MAF: variants seen among roughly 807,000 people sequenced by gnomAD.
MAF encodes MAF bZIP transcription factor.
A neutral mutation model predicts 22.0 loss-of-function variants in MAF; 10 were observed. The observed-to-expected ratio is 0.45, with a 90% CI of 0.28 to 0.77. The LOEUF (loss-of-function observed/expected upper bound fraction) is 0.77. Ranked by LOEUF, MAF falls within the 30% of genes least tolerant of loss-of-function variation. The probability of loss-of-function intolerance (pLI) is 0.12; values close to 1 mark genes in which losing one functional copy is unlikely to be tolerated. For synonymous variants in MAF, 337 were observed against 255.8 expected (o/e 1.32, Z -3.03); for missense variants, 544 against 548.4 (o/e 0.99, Z 0.08).
the MAF span, among the ~76,000 whole-genome samples, chr16:79,335,345 T>C: frequency 6.6e-6 from 1 of 152,168 alleles, no homozygotes; most frequent in Non-Finnish European, 1.5e-5. Context: ...TACTTCCTCG[T>C]ACTATGGCCG....
At chr16:79,241,419 G>A in the MAF span, among the ~76,000 whole-genome samples, 1 of 152,026 alleles carries the variant, frequency 6.6e-6, no homozygotes, top group Non-Finnish European at 1.5e-5. Flanking sequence ...TAGCTGAATT[G>A]ATCAGACAGA....
At chr16:79,423,888 G>A in the MAF span, among the ~76,000 whole-genome samples, 1 of 152,128 alleles carries the variant, frequency 6.6e-6, no homozygotes, top group East Asian at 1.9e-4. Flanking sequence ...CTTGAAAACA[G>A]TCATGTCTTC....
At chr16:79,584,730 T>G (rs1288663975), downstream of MAF, among the ~76,000 whole-genome samples, 1 of 152,184 alleles carries the variant, frequency 6.6e-6, no homozygotes, top group Non-Finnish European at 1.5e-5. Context: ...TAACCCCAAA[T>G]GTATACACTG....
At chr16:79,536,504 T>C in the MAF span, among the ~76,000 whole-genome samples, 1 of 152,160 alleles carries the variant, frequency 6.6e-6, no homozygotes, top group East Asian at 1.9e-4. Context: ...TAGCAAGGCA[T>C]GGTGGTGCAC....
At chr16:79,502,689 AAATATAAATATAAAT>A in the MAF span, among the ~76,000 whole-genome samples, 43 of 16,816 alleles carry the variant, frequency 2.6e-3, no homozygotes, top group African/African-American at 7.2e-3. Flanking sequence ...ATATAAATAT[AAATATAAATATAAAT>A]ATAAATATAT....
the MAF span, among the ~76,000 whole-genome samples, chr16:79,487,932 C>T: frequency 6.6e-6 from 1 of 152,080 alleles, no homozygotes; most frequent in African/African-American, 2.4e-5. Flanking sequence ...GGGATAAGGC[C>T]CTGTGCTCAC....
chr16:79,336,542 T>A, the MAF span, among the ~76,000 whole-genome samples: 1 of 152,190 alleles, frequency 6.6e-6, no homozygotes, highest in Admixed American at 6.5e-5. Flanking sequence ...TTAGCTTCAT[T>A]GTCCTATTTT....
chr16:79,542,966 T>TATGTGTGTGCATGCAC, the MAF span, among the ~76,000 whole-genome samples: 2 of 152,222 alleles, frequency 1.3e-5, no homozygotes, highest in Non-Finnish European at 2.9e-5. Context: ...CAGGATTGCA[T>TATGTGTGTGCATGCAC]ATGTGTGTGC....
At chr16:79,579,807 C>T in the MAF span, among the ~76,000 whole-genome samples, 133 of 152,114 alleles carry the variant, frequency 8.7e-4, no homozygotes, top group Non-Finnish European at 1.2e-3. Flanking sequence ...TGGGAAGGTG[C>T]CTTTATTATT....
chr16:79,352,326 G>T, the MAF span, among the ~76,000 whole-genome samples: 2 of 152,126 alleles, frequency 1.3e-5, no homozygotes, highest in African/African-American at 2.4e-5. Flanking sequence ...TATAATTATA[G>T]AGGGTGCTCT....
At chr16:79,477,869 C>T in the MAF span, among the ~76,000 whole-genome samples, 2 of 151,830 alleles carry the variant, frequency 1.3e-5, no homozygotes, top group African/African-American at 4.8e-5. Flanking sequence ...GGACTACAGG[C>T]GCGTGCCACC....
At chr16:79,467,739 G>T in the MAF span, among the ~76,000 whole-genome samples, 1 of 152,148 alleles carries the variant, frequency 6.6e-6, no homozygotes, top group African/African-American at 2.4e-5. Context: ...GCCCCCCAGT[G>T]ATGCCAGTGT....
the MAF span, among the ~76,000 whole-genome samples, chr16:79,342,993 G>C: frequency 6.6e-6 from 1 of 152,084 alleles, no homozygotes; most frequent in African/African-American, 2.4e-5. Context: ...ATCAACGTTA[G>C]AAATATGAGG....
chr16:79,312,962 T>G, the MAF span, among the ~76,000 whole-genome samples: 2 of 152,136 alleles, frequency 1.3e-5, no homozygotes, highest in Non-Finnish European at 2.9e-5. Flanking sequence ...TAGGATGAGA[T>G]GAGATGGGGA....
At position 79,599,347 on chromosome 16, in the gene MAF, G is replaced by A; in HGVS notation, c.556C>T (p.His186Tyr). Residue 186 changes from histidine (H) to tyrosine (Y), a missense_variant, in exon 1 of 2, where the codon CAC (histidine) becomes TAC (tyrosine). This residue lies in a region of MAF where 342 missense variants were observed against 315.5 expected (regional missense o/e 1.08). Coordinates refer to ENST00000326043, the MANE Select transcript of MAF (RefSeq NM_005360.5). ...GAGPHYHHHH[H>Y]HAAGHHHHPT... is the part of the protein sequence containing the mutation. ...TGGTGGTGGTGGCCGGCGGCGTGGT[G>A]GTGGTGGTGGTGGTAGTGCGGGCCC... 2 of 990,458 alleles carry A rather than the reference G, an allele frequency of 2.0e-6. No homozygotes were observed. The highest frequency in any genetic ancestry group is 2.4e-6 in the Non-Finnish European group (2 of 834,638). The allele number at this position is 990,458 out of a possible 1,614,324, so 61.4% of individuals were successfully genotyped here. A position where few individuals can be genotyped will look rare whatever the true frequency, so the allele number is the denominator to read the frequency against.
chr16:79,596,886 A>T, intron 1 of MAF: 1 of 1,043,604 alleles, frequency 9.6e-7, no homozygotes, highest in Non-Finnish European at 1.2e-6. Context: ...CAGTTTTGCA[A>T]TTTTTTTTTG....
chr16:79,292,766 A>C, the MAF span, among the ~76,000 whole-genome samples: 6 of 152,172 alleles, frequency 3.9e-5, no homozygotes, highest in Non-Finnish European at 8.8e-5. Flanking sequence ...GAAGCCATCC[A>C]AAACCCACCA....
chr16:79,512,075 T>G, the MAF span, among the ~76,000 whole-genome samples: 3 of 152,334 alleles, frequency 2.0e-5, no homozygotes, highest in African/African-American at 7.2e-5. Context: ...GATTATTCCC[T>G]GTGATGGCGA....
At chr16:79,552,964 C>A in the MAF span, among the ~76,000 whole-genome samples, 1 of 152,234 alleles carries the variant, frequency 6.6e-6, no homozygotes, top group Non-Finnish European at 1.5e-5. Context: ...CAGGGCCTCA[C>A]ACTTCCCTGA....
Sources: gnomAD v4.1 joint callset for allele counts (sites outside exome capture counted in the v4.1 genomes callset) on GRCh38, gnomAD v4.1.1 for gene constraint, gnomAD v4.1.1 regional missense constraint, MANE v1.5 for transcripts, NCBI Gene and HGNC (gene_info 2026-07-23, HGNC 2026-07-21) for gene names.